Variants in DLGAP4 observed in about 807,000 individuals in gnomAD.
DLGAP4 encodes the protein DLG associated protein 4.
Under a neutral mutation model 86.9 loss-of-function variants are expected in DLGAP4, and 18 were observed. The ratio of observed to expected loss-of-function variants is 0.21; its 90% CI spans 0.14 to 0.31. DLGAP4 has a LOEUF of 0.31. DLGAP4 is among the 10% of genes least tolerant of loss of function. DLGAP4 has a pLI of 1.00. For missense variants in DLGAP4, 1,085 were observed against 1,362.6 expected, an observed-to-expected ratio of 0.80 and a Z score of 3.21; for synonymous variants, 548 against 574.3, an observed-to-expected ratio of 0.95 and a Z score of 0.65.
intron 1 of DLGAP4, among the ~76,000 whole-genome samples, chr20:36,339,732 A>G (rs1203228901): frequency 6.6e-6 from 1 of 152,230 alleles, no homozygotes; most frequent in East Asian, 1.9e-4. Context: ...TGCGGGGCAC[A>G]AACTCCCAGT....
intron 7 of DLGAP4, among the ~76,000 whole-genome samples, chr20:36,468,356 G>GCC (rs2034510858): frequency 6.6e-6 from 1 of 152,240 alleles, no homozygotes; most frequent in African/African-American, 2.4e-5. Context: ...GCACAGGAGA[G>GCC]CCAAGTGACG....
chr20:36,462,834 G>C (rs2034160262), intron 7 of DLGAP4, among the ~76,000 whole-genome samples: 1 of 152,362 alleles, frequency 6.6e-6, no homozygotes, highest in South Asian at 2.1e-4. Flanking sequence ...GGCACCACGG[G>C]CTGGGCATCC....
intron 2 of DLGAP4, among the ~76,000 whole-genome samples, chr20:36,406,977 G>A (rs1453290175): frequency 6.6e-6 from 1 of 152,106 alleles, no homozygotes; most frequent in Non-Finnish European, 1.5e-5. Flanking sequence ...AGGGGTGTAG[G>A]GGACAGCGGG....
intron 7 of DLGAP4, among the ~76,000 whole-genome samples, chr20:36,476,269 A>G (rs903263709): frequency 6.7e-6 from 1 of 148,248 alleles, no homozygotes; most frequent in Non-Finnish European, 1.5e-5. Flanking sequence ...CTCCGTGCCT[A>G]TTAAACACTA....
rs547672594 is a variant in DLGAP4 at position 36,350,037 on chromosome 20, G to A, written c.-303-17008G>A. ...CATCCCCACAGGCTCCCAAGCAGGT[G>A]AGTGCACCAGCATCTCACAGTTCCC... On this transcript the variant is annotated intron_variant, in intron 1 of 12. Transcript: ENST00000339266. This position sits in a 1 kb window ranked among gnomAD's most constrained non-coding sequence, Gnocchi z 4.4. 2.6e-5 allele frequency among the ~76,000 whole-genome samples: 4 copies of A among 152,268 alleles called. No homozygotes were observed. In the East Asian group the frequency reaches 5.8e-4, roughly 22 times the overall value.
At chr20:36,362,586 T>C (rs1431784660) in intron 1 of DLGAP4, among the ~76,000 whole-genome samples, 1 of 152,200 alleles carries the variant, frequency 6.6e-6, no homozygotes, top group Non-Finnish European at 1.5e-5. Flanking sequence ...TGACAGTTGG[T>C]CAAGGAATAT....
chr20:36,496,944 C>T lies in DLGAP4; in HGVS notation c.1888C>T (p.Pro630Ser). Residue 630 changes from proline (P) to serine (S), a missense_variant, in exon 8 of 13, where the codon CCT (proline) becomes TCT (serine). Pro to Ser is a moderately conservative substitution (Grantham distance 74). Coordinates refer to ENST00000339266, the MANE Select transcript of DLGAP4 (RefSeq NM_001365621.2). ...SVTRGGVAPAPEAPEPPPKHA... is the reference protein window; with the variant it reads ...SVTRGGVAPASEAPEPPPKHA... ...GACACGGGGTGGAGTCGCCCCAGCCCCTGAGGCCCCAGAGCCACCCCCAAA... is the reference window on the plus strand; with the variant it reads ...GACACGGGGTGGAGTCGCCCCAGCCTCTGAGGCCCCAGAGCCACCCCCAAA... 1 of 1,614,162 alleles carries T rather than the reference C, an allele frequency of 6.2e-7. No homozygotes were observed. The highest frequency in any genetic ancestry group is 1.1e-5 in the South Asian group (1 of 91,080).
chr20:36,426,278 G>T (rs1396751136), intron 2 of DLGAP4, among the ~76,000 whole-genome samples: 1 of 152,174 alleles, frequency 6.6e-6, no homozygotes, highest in Non-Finnish European at 1.5e-5. Context: ...ACTTTGGGAG[G>T]CCAAGGCAGG....
At chr20:36,368,562 C>T (rs985018674) in intron 2 of DLGAP4, among the ~76,000 whole-genome samples, 5 of 152,184 alleles carry the variant, frequency 3.3e-5, no homozygotes, top group Non-Finnish European at 1.5e-5. Flanking sequence ...CTGGCTCTCC[C>T]GACCCAGCTC....
At chr20:36,442,521 AAGTCCTC>A (rs974152578) in intron 5 of DLGAP4, among the ~76,000 whole-genome samples, 199 bp from the exon 6 acceptor site, 1 of 152,166 alleles carries the variant, frequency 6.6e-6, no homozygotes, top group East Asian at 1.9e-4. Context: ...AGCAGATTAT[AAGTCCTC>A]AGTAATGCCC....
rs1287850996 is a variant in DLGAP4 at position 36,372,761 on chromosome 20, G to C, written c.-73+5486G>C. ...TTAGAAACGACCCAATTCTCTGTTT[G>C]TGAGAGTTGGTTAAATAACTTACAT... On this transcript the variant is annotated intron_variant, in intron 2 of 12. Transcript: ENST00000339266. 2.0e-5 allele frequency among the ~76,000 whole-genome samples: 3 copies of C among 152,186 alleles called. No individual in the cohort carries two copies. In the East Asian group the frequency reaches 5.8e-4, roughly 29 times the overall value.
chr20:36,455,939 T>C (rs1200266873), intron 7 of DLGAP4, among the ~76,000 whole-genome samples: 1 of 152,070 alleles, frequency 6.6e-6, no homozygotes, highest in Non-Finnish European at 1.5e-5. Context: ...GTCTCCACAG[T>C]GTCAGGGCTA....
chr20:36,308,895 A>G lies in DLGAP4; in HGVS notation c.-304+2383A>G, dbSNP rs1555889713. Among the ~76,000 whole-genome samples, 2 of 151,870 alleles carry G rather than the reference A, an allele frequency of 1.3e-5. No individual in the cohort carries two copies. The highest frequency in any genetic ancestry group is 2.4e-5 in the African/African-American group (1 of 41,370). Reference sequence around the variant, plus strand: ...AATCTTGAATGCAGGGTTTTTTTTTATAGAAAGTACACAGTAGGTACTCAA... The same window carrying G: ...AATCTTGAATGCAGGGTTTTTTTTTGTAGAAAGTACACAGTAGGTACTCAA... On this transcript the variant is annotated intron_variant, in intron 1 of 12. Coordinates refer to ENST00000339266, the MANE Select transcript of DLGAP4 (RefSeq NM_001365621.2). The surrounding 1 kb of genome is among the most constrained non-coding windows in gnomAD (Gnocchi z 4.5).
chr20:36,447,908 G>C (rs573222866), intron 7 of DLGAP4, among the ~76,000 whole-genome samples: 5 of 127,922 alleles, frequency 3.9e-5, no homozygotes, highest in African/African-American at 8.5e-5. Flanking sequence ...GGGTGGGGGG[G>C]GGGGAGACAA....
At chr20:36,402,754 T>A (rs900204037) in intron 2 of DLGAP4, among the ~76,000 whole-genome samples, 23 of 148,674 alleles carry the variant, frequency 1.5e-4, no homozygotes, top group East Asian at 4.1e-4. Flanking sequence ...AAAAAAAATT[T>A]TTTTTTATTA....
intron 2 of DLGAP4, among the ~76,000 whole-genome samples, chr20:36,417,075 G>T (rs1030712487): frequency 6.6e-6 from 1 of 152,192 alleles, no homozygotes; most frequent in African/African-American, 2.4e-5. Flanking sequence ...AGCCAAGCAG[G>T]ATAATCAGAG....
intron 7 of DLGAP4, among the ~76,000 whole-genome samples, chr20:36,447,960 GT>G (rs1199543200): frequency 6.7e-6 from 1 of 149,258 alleles, no homozygotes; most frequent in Non-Finnish European, 1.5e-5. Flanking sequence ...TGCATGTGGG[GT>G]TTAAAACCTA....
At chr20:36,499,154 C>T in intron 8 of DLGAP4, 4 of 1,297,826 alleles carry the variant, frequency 3.1e-6, no homozygotes, top group Non-Finnish European at 3.2e-6. Flanking sequence ...TCAACTACAC[C>T]AGATAACGGC....
At chr20:36,362,564 ACC>A (rs2030555889) in intron 1 of DLGAP4, among the ~76,000 whole-genome samples, 1 of 152,072 alleles carries the variant, frequency 6.6e-6, no homozygotes, top group African/African-American at 2.4e-5. Context: ...AGGAGGGAAA[ACC>A]CAGAGCTCAT....
Sources: allele counts gnomAD v4.1 joint callset (sites outside exome capture counted in the v4.1 genomes callset), GRCh38; gene constraint gnomAD v4.1.1; non-coding constraint Gnocchi (gnomAD v3.1); transcripts MANE v1.5; gene names NCBI Gene and HGNC (gene_info 2026-07-23, HGNC 2026-07-21).